The following MACF1 variants were observed in gnomAD, a reference collection of about 807,000 sequenced individuals.
MACF1 encodes microtubule-actin cross-linking factor 1.
In MACF1, 193 loss-of-function variants were observed where a neutral mutation model predicts 854.8. That is an observed-to-expected ratio of 0.23 (90% CI 0.20 to 0.25). MACF1 has a LOEUF of 0.25. Among genes scored for constraint, MACF1 ranks in the 10% least tolerant of loss-of-function variants. The probability of loss-of-function intolerance (pLI) is 1.00; values close to 1 mark genes in which losing one functional copy is unlikely to be tolerated. For missense variants in MACF1, 7,722 were observed against 8,929.1 expected (o/e 0.86, Z 5.45); for synonymous variants, 3,185 against 3,226.7 (o/e 0.99, Z 0.44).
In MACF1 at chr1:39,336,291, A is replaced by C. The variant is rs1646809281; in HGVS notation, c.9703A>C (p.Thr3235Pro). The part of the protein sequence containing the change: ...LKSEIATQEL[T>P]GEKFLEMANP... The stretch of plus-strand genomic sequence containing the variant: ...ATCTGAAATAGCAACACAGGAACTA[A>C]CTGGAGAGAAATTTCTAGAAATGGC... Residue 3235 changes from threonine (T) to proline (P), a missense_variant, in exon 37 of 101, where the codon ACT becomes CCT. Thr to Pro is a conservative substitution (Grantham distance 38). Transcript: ENST00000564288. 1 of 1,614,192 alleles carries C rather than the reference A, an allele frequency of 6.2e-7. No homozygotes were observed. The highest frequency in any genetic ancestry group is 1.3e-5 in the African/African-American group (1 of 75,054).
intron 2 of MACF1, among the ~76,000 whole-genome samples, chr1:39,108,370 A>C (rs989698127): frequency 6.6e-6 from 1 of 152,126 alleles, no homozygotes; most frequent in Non-Finnish European, 1.5e-5. Context: ...CCATCTAGTA[A>C]GGGAAAGATA....
intron 47 of MACF1, among the ~76,000 whole-genome samples, chr1:39,360,052 T>TATATAC (rs1197982446): frequency 1.9e-3 from 94 of 49,750 alleles, no homozygotes; most frequent in Non-Finnish European, 3.1e-3. Flanking sequence ...TATATATATA[T>TATATAC]ACACACACAC....
At chr1:39,295,412 A>G (rs973561533) in intron 19 of MACF1, among the ~76,000 whole-genome samples, 8 of 152,266 alleles carry the variant, frequency 5.3e-5, no homozygotes, top group Non-Finnish European at 8.8e-5. Flanking sequence ...GACTTGGACC[A>G]TATTTCTTCA....
At position 39,486,715 on chromosome 1, in the gene MACF1, G is replaced by A. The variant is rs1293975727; in HGVS notation, c.*921G>A. The A allele has an allele frequency of 6.5e-6, 1 of 152,732 alleles. No individual in the cohort carries two copies. Among genetic ancestry groups the A allele is most frequent in the Non-Finnish European group, 1.5e-5 (1 of 68,038 alleles). 9.5% of individuals were successfully genotyped at this position (152,732 alleles called of 1,614,324 possible). A position where few individuals can be genotyped will look rare whatever the true frequency, so the allele number is the denominator to read the frequency against. ...GAAAATGTGGACGTAAGACAAACACGTGCTCGTCCTTTAATGGAGTTCACC... is the reference window on the plus strand; with the variant it reads ...GAAAATGTGGACGTAAGACAAACACATGCTCGTCCTTTAATGGAGTTCACC... On this transcript the variant is annotated 3_prime_UTR_variant, in exon 101 of 101. Coordinates refer to ENST00000564288, the MANE Select transcript of MACF1 (RefSeq NM_001394062.1).
At chr1:39,249,644 ACT>A (rs547079659) in intron 2 of MACF1, among the ~76,000 whole-genome samples, 19 of 152,018 alleles carry the variant, frequency 1.2e-4, no homozygotes, top group Non-Finnish European at 2.2e-4. Context: ...GGCTTTTCTG[ACT>A]CTGGCTGGAC....
chr1:39,183,928 A>G (rs1025949748), intron 2 of MACF1, among the ~76,000 whole-genome samples: 3 of 152,242 alleles, frequency 2.0e-5, no homozygotes, highest in African/African-American at 7.2e-5. Context: ...GTTGGCAGGA[A>G]GAAGTGACTC....
At position 39,285,169 on chromosome 1, in the gene MACF1, G is replaced by C. The variant is rs143192678; in HGVS notation, c.1218G>C (p.Glu406Asp). The C allele has an allele frequency of 1.9e-6, 3 of 1,614,106 alleles. No homozygotes were observed. The African/African-American group carries it at 4.0e-5, about 22-fold the overall frequency. The change falls in exon 12 of 101, where the codon GAG becomes GAC. Residue 406 changes from glutamate (E) to aspartate (D), a missense_variant. This residue lies in a region of MACF1 where 1,137 missense variants were observed against 1,263.0 expected (regional missense o/e 0.90). Coordinates refer to ENST00000564288, the MANE Select transcript of MACF1 (RefSeq NM_001394062.1). ...AAGAGTGGGGAAAGCTCATCATAGAGATGCTGGAACGAGAGAAATCACTTC... is the reference window on the plus strand; with the variant it reads ...AAGAGTGGGGAAAGCTCATCATAGACATGCTGGAACGAGAGAAATCACTTC... ...VEEEWGKLII[E>D]MLEREKSLRP...
chr1:39,117,223 T>C lies in MACF1; in HGVS notation c.220+32785T>C, dbSNP rs534656685. Among the ~76,000 whole-genome samples the C allele has an allele frequency of 2.6e-5, 4 of 152,318 alleles. No individual in the cohort carries two copies. In the East Asian group the frequency reaches 7.7e-4, roughly 29 times the overall value. On this transcript the variant is annotated intron_variant, in intron 2 of 93. Coordinates refer to the MACF1 transcript ENST00000361689. Reference sequence around the variant, plus strand: ...AGAGTATTAGTTACCCTTTGCCCTCTACTTGCTTGGTTTTTTTTCACTTTT... The same window carrying C: ...AGAGTATTAGTTACCCTTTGCCCTCCACTTGCTTGGTTTTTTTTCACTTTT...
chr1:39,260,716 C>G (rs943951040), intron 6 of MACF1, among the ~76,000 whole-genome samples: 1 of 152,004 alleles, frequency 6.6e-6, no homozygotes, highest in African/African-American at 2.4e-5. Flanking sequence ...CTTGTATTAT[C>G]TCTAAAAACA....
intron 49 of MACF1, among the ~76,000 whole-genome samples, chr1:39,365,318 C>A (rs1231088263): frequency 6.6e-6 from 1 of 152,092 alleles, no homozygotes; most frequent in Non-Finnish European, 1.5e-5. Flanking sequence ...CCTCGTGATC[C>A]ACCTGCCTCA....
In MACF1 at chr1:39,481,086, G is replaced by A. The variant is rs887819425; in HGVS notation, c.22281+56G>A. ...AGTCAAGACGAGGCCCTCGCTACTG[G>A]ACTTGACCAGCTCTTCTTCCTGACA... On this transcript the variant is annotated intron_variant, in intron 99 of 100. Transcript: ENST00000564288. 1.8e-5 allele frequency: 19 copies of A among 1,052,330 alleles called. No individual in the cohort carries two copies. In the African/African-American group the frequency reaches 2.8e-4, roughly 16 times the overall value. The allele number at this position is 1,052,330 out of a possible 1,614,324, so 65.2% of individuals were successfully genotyped here.
chr1:39,326,736 T>C lies in MACF1; in HGVS notation c.4479-482T>C, dbSNP rs571733995. On this transcript the variant is annotated intron_variant, in intron 35 of 100. Coordinates refer to ENST00000564288, the MANE Select transcript of MACF1 (RefSeq NM_001394062.1). ...AAAAGAAAAGGCCCTAAAGCAAATA[T>C]GTAAAATAGTAAATTGTGAAATGAA... Among the ~76,000 whole-genome samples, 189 of 146,520 alleles carry C rather than the reference T, an allele frequency of 1.3e-3. 2 individuals are homozygous for C. The South Asian group carries it at 0.039, about 30-fold the overall frequency.
At chr1:39,120,641 T>C (rs768410668) in intron 2 of MACF1, among the ~76,000 whole-genome samples, 4 of 152,080 alleles carry the variant, frequency 2.6e-5, no homozygotes, top group East Asian at 3.9e-4. Flanking sequence ...GGATTACAGG[T>C]GTGAGCCACC....
intron 2 of MACF1, chr1:39,102,706 C>T (rs1023107229): frequency 1.1e-5 from 8 of 697,306 alleles, no homozygotes; most frequent in East Asian, 5.4e-5. Flanking sequence ...CCACTAGATG[C>T]CCTTCCGAGT....
chr1:39,414,176 A>G (rs1643179060), intron 58 of MACF1: 3 of 1,612,772 alleles, frequency 1.9e-6, no homozygotes, highest in South Asian at 2.2e-5. Context: ...CCCACCCCAG[A>G]GGTGGCTGCC....
intron 86 of MACF1, 81 bp from the exon 87 acceptor site, chr1:39,452,603 G>C: frequency 6.4e-7 from 1 of 1,571,250 alleles, no homozygotes; most frequent in Non-Finnish European, 8.7e-7. Flanking sequence ...AATGAACACT[G>C]GACCCTTTCC....
At chr1:39,444,071 C>T (rs947033392) in intron 79 of MACF1, among the ~76,000 whole-genome samples, 3 of 152,216 alleles carry the variant, frequency 2.0e-5, no homozygotes, top group Admixed American at 1.3e-4. Flanking sequence ...CGCAGTGGCT[C>T]ACGCCTGTAA....
chr1:39,189,312 A>C (rs1480161565), intron 2 of MACF1, among the ~76,000 whole-genome samples: 1 of 152,148 alleles, frequency 6.6e-6, no homozygotes, highest in African/African-American at 2.4e-5. Flanking sequence ...CCATTTGTTT[A>C]TCCACACTCC....
At chr1:39,357,942 TCA>T (rs1221176356) in intron 45 of MACF1, 49 bp downstream of exon 45, 2 of 1,549,864 alleles carry the variant, frequency 1.3e-6, no homozygotes, top group Non-Finnish European at 1.7e-6. Flanking sequence ...ATGGCAGCCT[TCA>T]CACAATGTAG....
Sources: allele counts gnomAD v4.1 joint callset (sites outside exome capture counted in the v4.1 genomes callset), GRCh38; gene constraint gnomAD v4.1.1; regional missense constraint gnomAD v4.1.1; transcripts MANE v1.5; gene names NCBI Gene and HGNC (gene_info 2026-07-23, HGNC 2026-07-21).